NTN1: variants seen among roughly 807,000 people sequenced by gnomAD.
NTN1 encodes netrin-1.
NTN1 carries 11 observed loss-of-function variants against 54.2 expected under a neutral mutation model. The observed-to-expected ratio is 0.20, with a 90% CI of 0.13 to 0.34. The LOEUF (loss-of-function observed/expected upper bound fraction) is 0.34, where lower values mean the gene tolerates loss of function less well. Ranked by LOEUF, NTN1 falls within the 10% of genes least tolerant of loss-of-function variation. The pLI is 1.00. For missense variants in NTN1, 740 were observed against 893.1 expected, an observed-to-expected ratio of 0.83 and a Z score of 2.18; for synonymous variants, 371 against 382.0, an observed-to-expected ratio of 0.97 and a Z score of 0.33.
intron 2 of NTN1, among the ~76,000 whole-genome samples, chr17:9,106,473 CT>C (rs2142247171): frequency 1.1e-4 from 2 of 17,930 alleles, no homozygotes; most frequent in African/African-American, 3.8e-4. Context: ...TCCTCCCTTC[CT>C]TCCTTCCTTC....
In NTN1 at chr17:9,077,884, C is replaced by A. The variant is rs555369548; in HGVS notation, c.1018+54493C>A. Reference sequence around the variant, plus strand: ...TGTTGGTCATCAGTATTTGTGGAGGCTTATGGGGGTCCTGGGCTCTGTGTG... The same window carrying A: ...TGTTGGTCATCAGTATTTGTGGAGGATTATGGGGGTCCTGGGCTCTGTGTG... On this transcript the variant is annotated intron_variant, in intron 2 of 6. Coordinates refer to ENST00000173229, the MANE Select transcript of NTN1 (RefSeq NM_004822.3). Among the ~76,000 whole-genome samples the A allele has an allele frequency of 1.4e-4, 22 of 152,244 alleles. No homozygotes were observed. In the East Asian group the frequency reaches 4.0e-3, roughly 28 times the overall value.
In NTN1 at chr17:9,219,238, A is replaced by G. The variant is rs770735015; in HGVS notation, c.1412-1930A>G. ...TTGGGCTGCCGTCACTTTCATCCCA[A>G]CCTCTCAGGCTTGGCCACAGTAGAG... On this transcript the variant is annotated intron_variant, in intron 5 of 6. Coordinates refer to ENST00000173229, the MANE Select transcript of NTN1 (RefSeq NM_004822.3). This position sits in a 1 kb window ranked among gnomAD's most constrained non-coding sequence, Gnocchi z 4.5. 6.6e-6 allele frequency among the ~76,000 whole-genome samples: 1 copy of G among 151,754 alleles called. No homozygotes were observed. Among genetic ancestry groups the G allele is most frequent in the African/African-American group, 2.4e-5 (1 of 41,250 alleles).
chr17:9,185,642 G>A (rs939982308), intron 5 of NTN1, among the ~76,000 whole-genome samples: 1 of 152,010 alleles, frequency 6.6e-6, no homozygotes, highest in Non-Finnish European at 1.5e-5. Flanking sequence ...AGGAGAGAGG[G>A]ACCACCCACT....
intron 2 of NTN1, among the ~76,000 whole-genome samples, chr17:9,048,581 T>G (rs115568927): frequency 0.01 from 1,530 of 152,314 alleles, 27 homozygotes; most frequent in African/African-American, 0.032. Context: ...CTCCTCTGTA[T>G]CTATGAAATG....
chr17:9,074,824 G>C (rs2092043974), intron 2 of NTN1, among the ~76,000 whole-genome samples: 1 of 152,184 alleles, frequency 6.6e-6, no homozygotes. Flanking sequence ...GCCACTATCT[G>C]GGAAATTCAG....
intron 5 of NTN1, among the ~76,000 whole-genome samples, chr17:9,186,846 T>C (rs1218237720): frequency 3.9e-5 from 6 of 152,142 alleles, no homozygotes; most frequent in Admixed American, 2.6e-4. Flanking sequence ...TAGGCTTTTG[T>C]TTGCCAAGAT....
chr17:9,133,698 C>T (rs1367395165), intron 2 of NTN1, among the ~76,000 whole-genome samples: 3 of 150,706 alleles, frequency 2.0e-5, no homozygotes, highest in Non-Finnish European at 4.4e-5. Flanking sequence ...AGCGATTCTC[C>T]TGCCTCAGCC....
At chr17:9,179,703 T>C in intron 3 of NTN1, 104 bp from the exon 4 acceptor site, 2 of 1,406,152 alleles carry the variant, frequency 1.4e-6, no homozygotes, top group Non-Finnish European at 1.9e-6. Flanking sequence ...CTGCTCTTCC[T>C]CCAGGGCAGG....
intron 2 of NTN1, among the ~76,000 whole-genome samples, chr17:9,145,485 G>A (rs1466998995): frequency 3.9e-5 from 6 of 152,210 alleles, no homozygotes; most frequent in South Asian, 2.1e-4. Context: ...TGCAGCTGGG[G>A]GAGAAGAAAG....
chr17:9,202,800 C>G, intron 5 of NTN1, among the ~76,000 whole-genome samples: 1 of 152,246 alleles, frequency 6.6e-6, no homozygotes, highest in South Asian at 2.1e-4. Flanking sequence ...ATCGTGCTGT[C>G]TGAACAGTCA....
chr17:9,134,710 C>T (rs1327369428), intron 2 of NTN1, among the ~76,000 whole-genome samples: 1 of 152,154 alleles, frequency 6.6e-6, no homozygotes, highest in Non-Finnish European at 1.5e-5. Context: ...TGCTCATTGC[C>T]CTGTGGGACC....
At chr17:9,114,396 C>G (rs1417648230) in intron 2 of NTN1, among the ~76,000 whole-genome samples, 1 of 150,338 alleles carries the variant, frequency 6.7e-6, no homozygotes, top group African/African-American at 2.4e-5. Context: ...GCATCTATTT[C>G]TGTAGTGTTT....
rs113798472 is a variant in NTN1 at position 9,235,418 on chromosome 17, T to C, written c.1487-4222T>C. On this transcript the variant is annotated intron_variant, in intron 6 of 6. Transcript: ENST00000173229. ...CTGTTCCAGCGTTGTTGAAGACAAC[T>C]TTTAGGACATCAATGCAGGGACAGT... Among the ~76,000 whole-genome samples, 98 of 152,292 alleles carry C rather than the reference T, an allele frequency of 6.4e-4. 1 individual carries two copies. The highest frequency in any genetic ancestry group is 2.2e-3 in the African/African-American group (90 of 41,570).
intron 2 of NTN1, among the ~76,000 whole-genome samples, chr17:9,083,807 C>T (rs1255930750): frequency 6.6e-6 from 1 of 152,222 alleles, no homozygotes; most frequent in African/African-American, 2.4e-5. Flanking sequence ...TTCAGTTACA[C>T]AAACCCATGT....
chr17:9,120,787 C>T (rs1459801078), intron 2 of NTN1, among the ~76,000 whole-genome samples: 1 of 152,236 alleles, frequency 6.6e-6, no homozygotes, highest in African/African-American at 2.4e-5. Flanking sequence ...ACATTACCCC[C>T]ATGTTGTTTT....
chr17:9,024,714 C>T (rs540417617), intron 2 of NTN1, among the ~76,000 whole-genome samples: 5 of 152,324 alleles, frequency 3.3e-5, no homozygotes, highest in East Asian at 3.9e-4. Flanking sequence ...CTGAAGACGC[C>T]GGGCCTCCCG....
chr17:9,201,148 G>A (rs940915822), intron 5 of NTN1, among the ~76,000 whole-genome samples: 3 of 152,236 alleles, frequency 2.0e-5, no homozygotes, highest in Admixed American at 6.5e-5. Context: ...TGAAGAAGGC[G>A]TAGGAGGCTG....
Position 9,117,904 on chromosome 17 carries a change from C to T in NTN1, c.1019-44909C>T, listed in dbSNP as rs1321572707. Among the ~76,000 whole-genome samples the T allele has an allele frequency of 2.6e-5, 4 of 152,046 alleles. No individual in the cohort carries two copies. In the East Asian group the frequency reaches 7.7e-4, roughly 29 times the overall value. On this transcript the variant is annotated intron_variant, in intron 2 of 6. Coordinates refer to ENST00000173229, the MANE Select transcript of NTN1 (RefSeq NM_004822.3). ...GCCTGTTGGAAAGGGCTGAGAGGTA[C>T]CATCTGCCACCTTTTTGTCCCCCTC...
chr17:9,235,783 T>C (rs1244325845), intron 6 of NTN1, among the ~76,000 whole-genome samples: 3 of 148,536 alleles, frequency 2.0e-5, no homozygotes, highest in Non-Finnish European at 4.4e-5. Flanking sequence ...AGTCTCGCCC[T>C]GTCCCCTGTC....
Sources: allele counts gnomAD v4.1 joint callset (sites outside exome capture counted in the v4.1 genomes callset), GRCh38; gene constraint gnomAD v4.1.1; non-coding constraint Gnocchi (gnomAD v3.1); transcripts MANE v1.5; gene names NCBI Gene and HGNC (gene_info 2026-07-23, HGNC 2026-07-21).